Variants in LRBA observed in about 807,000 individuals in gnomAD.
LRBA encodes LPS responsive beige-like anchor protein, also known as lipopolysaccharide-responsive and beige-like anchor protein.
LRBA carries 176 observed loss-of-function variants against 330.0 expected under a neutral mutation model. That is an observed-to-expected ratio of 0.53 (90% CI 0.47 to 0.60). The LOEUF is 0.60. LRBA is among the 20% of genes least tolerant of loss of function. The pLI is 0.00. For synonymous variants in LRBA, 1,230 were observed against 1,193.0 expected (o/e 1.03, Z -0.64); for missense variants, 3,259 against 3,444.8 (o/e 0.95, Z 1.35).
At chr4:150,418,190 T>A (rs1381885579) in intron 46 of LRBA, among the ~76,000 whole-genome samples, 2 of 152,076 alleles carry the variant, frequency 1.3e-5, no homozygotes, top group African/African-American at 4.8e-5. Flanking sequence ...GCTAATTTTT[T>A]AATTTTTTGC....
At chr4:150,416,159 C>G (rs1382617394) in intron 46 of LRBA, among the ~76,000 whole-genome samples, 2 of 152,166 alleles carry the variant, frequency 1.3e-5, no homozygotes, top group African/African-American at 4.8e-5. Context: ...AAATGACTTG[C>G]ATGAGAAACT....
At chr4:150,966,106 C>T (rs1738850362) in intron 2 of LRBA, among the ~76,000 whole-genome samples, 1 of 151,990 alleles carries the variant, frequency 6.6e-6, no homozygotes, top group Non-Finnish European at 1.5e-5. Flanking sequence ...TCTTCATTTT[C>T]GTTTTTGACT....
intron 37 of LRBA, among the ~76,000 whole-genome samples, chr4:150,658,509 C>CCTG (rs1491141650): frequency 1.6e-5 from 1 of 62,676 alleles, no homozygotes; most frequent in African/African-American, 9.4e-5. Flanking sequence ...ATAAAAGTCT[C>CCTG]CCTCTCCCTC....
intron 42 of LRBA, among the ~76,000 whole-genome samples, chr4:150,473,149 T>C (rs1356672401): frequency 1.3e-5 from 2 of 152,182 alleles, no homozygotes; most frequent in African/African-American, 4.8e-5. Flanking sequence ...CTCTTGTGTG[T>C]ATTTTGATTA....
intron 47 of LRBA, among the ~76,000 whole-genome samples, chr4:150,392,752 T>C (rs1379067064): frequency 1.3e-5 from 2 of 149,470 alleles, no homozygotes; most frequent in Non-Finnish European, 3.0e-5. Context: ...TTTCTAAATA[T>C]ACAATTATGT....
At position 151,007,224 on chromosome 4, in the gene LRBA, G is replaced by A. The variant is rs1308500609; in HGVS notation, c.216+7203C>T. ...CCTTTCAACAAATGGCACTCTAGCCGGGTGCAGTGGCTCACGCCTGTAATC... is the reference window on the plus strand; with the variant it reads ...CCTTTCAACAAATGGCACTCTAGCCAGGTGCAGTGGCTCACGCCTGTAATC... On this transcript the variant is annotated intron_variant, in intron 2 of 56. Coordinates refer to ENST00000651943, the MANE Select transcript of LRBA (RefSeq NM_001364905.1). Among the ~76,000 whole-genome samples the A allele has an allele frequency of 2.6e-5, 4 of 152,288 alleles. No homozygotes were observed. In the East Asian group the frequency reaches 5.8e-4, roughly 22 times the overall value.
At chr4:150,839,638 CA>C (rs1208981677) in intron 28 of LRBA, among the ~76,000 whole-genome samples, 1 of 152,092 alleles carries the variant, frequency 6.6e-6, no homozygotes, top group Non-Finnish European at 1.5e-5. Context: ...ATTGCAAGGA[CA>C]AAAAACCAAA....
chr4:150,962,576 C>T (rs893445528), intron 2 of LRBA, among the ~76,000 whole-genome samples: 4 of 148,874 alleles, frequency 2.7e-5, no homozygotes, highest in African/African-American at 1.0e-4. Flanking sequence ...TAAGGAAGTT[C>T]TGAGTAAGAA....
At chr4:150,296,108 T>G (rs1728944692) in intron 53 of LRBA, among the ~76,000 whole-genome samples, 1 of 152,214 alleles carries the variant, frequency 6.6e-6, no homozygotes. Context: ...AAAATTGGTT[T>G]TATCTATTTA....
intron 47 of LRBA, among the ~76,000 whole-genome samples, chr4:150,403,578 CT>C (rs1199601646): frequency 4.0e-5 from 6 of 151,812 alleles, no homozygotes; most frequent in Non-Finnish European, 8.8e-5. Context: ...CCTTCCCCTT[CT>C]TTTTTTTAAC....
At chr4:150,573,581 G>A (rs1014150099) in intron 40 of LRBA, among the ~76,000 whole-genome samples, 1 of 152,118 alleles carries the variant, frequency 6.6e-6, no homozygotes, top group African/African-American at 2.4e-5. Flanking sequence ...ATCTCAATAT[G>A]CTATCTTTTC....
chr4:150,854,281 TATA>T (rs1425107106), intron 22 of LRBA, among the ~76,000 whole-genome samples: 3 of 152,230 alleles, frequency 2.0e-5, no homozygotes, highest in Non-Finnish European at 4.4e-5. Context: ...GAAATCTTTT[TATA>T]ATATTTCAAC....
intron 2 of LRBA, among the ~76,000 whole-genome samples, chr4:150,965,331 A>G (rs1738755740): frequency 6.6e-6 from 1 of 152,234 alleles, no homozygotes; most frequent in Non-Finnish European, 1.5e-5. Flanking sequence ...TGCTTTAGAA[A>G]GACAAATAAG....
chr4:150,459,448 C>A (rs765230909), intron 44 of LRBA, among the ~76,000 whole-genome samples: 3 of 151,906 alleles, frequency 2.0e-5, no homozygotes, highest in African/African-American at 7.2e-5. Flanking sequence ...GACTGACAGA[C>A]AGATTTGAGA....
chr4:150,688,666 A>C (rs1173510754), intron 36 of LRBA, among the ~76,000 whole-genome samples: 1 of 152,218 alleles, frequency 6.6e-6, no homozygotes, highest in African/African-American at 2.4e-5. Context: ...TTTTCAAAAG[A>C]AGACATTTAT....
chr4:150,746,580 G>A (rs1732764420), intron 35 of LRBA, among the ~76,000 whole-genome samples: 2 of 148,678 alleles, frequency 1.3e-5, no homozygotes, highest in Non-Finnish European at 3.0e-5. Flanking sequence ...GCATGATCTC[G>A]GTTCACTGCA....
chr4:150,767,051 C>T (rs1363599586), intron 34 of LRBA, among the ~76,000 whole-genome samples: 1 of 151,856 alleles, frequency 6.6e-6, no homozygotes, highest in African/African-American at 2.4e-5. Flanking sequence ...TAGATCTCCA[C>T]CAAATTTCAA....
At chr4:150,558,314 A>G (rs1303899940) in intron 40 of LRBA, among the ~76,000 whole-genome samples, 70 of 152,146 alleles carry the variant, frequency 4.6e-4, no homozygotes, top group Non-Finnish European at 1.0e-4. Flanking sequence ...GACTCCTTCT[A>G]TAAGGGAGAT....
intron 22 of LRBA, among the ~76,000 whole-genome samples, chr4:150,859,786 C>T (rs1372350454): frequency 6.6e-6 from 1 of 152,190 alleles, no homozygotes; most frequent in Non-Finnish European, 1.5e-5. Context: ...AATTCTGCAA[C>T]ATTAGTTCTT....
Sources: gnomAD v4.1 joint callset for allele counts (sites outside exome capture counted in the v4.1 genomes callset) on GRCh38, gnomAD v4.1.1 for gene constraint, MANE v1.5 for transcripts, NCBI Gene and HGNC (gene_info 2026-07-23, HGNC 2026-07-21) for gene names.